CNTN5: variants seen among roughly 807,000 people sequenced by gnomAD.
The protein encoded by CNTN5 is contactin 5, also known as contactin-5.
A neutral mutation model predicts 129.1 loss-of-function variants in CNTN5; 77 were observed. The ratio of observed to expected loss-of-function variants is 0.60; its 90% CI spans 0.50 to 0.72. The LOEUF (loss-of-function observed/expected upper bound fraction) is 0.72. CNTN5 is among the 30% of genes least tolerant of loss of function. CNTN5 has a pLI of 0.00. For missense variants in CNTN5, 1,478 were observed against 1,328.8 expected, an observed-to-expected ratio of 1.11 and a Z score of -1.75; for synonymous variants, 509 against 465.6, an observed-to-expected ratio of 1.09 and a Z score of -1.20.
At chr11:99,807,879 A>T (rs1017335428) in intron 3 of CNTN5, among the ~76,000 whole-genome samples, 1 of 152,108 alleles carries the variant, frequency 6.6e-6, no homozygotes, top group African/African-American at 2.4e-5. Context: ...TGTAGTGCGC[A>T]TATATTTGTT....
intron 16 of CNTN5, among the ~76,000 whole-genome samples, chr11:100,240,508 TGCCTAAG>T (rs1591427842): frequency 1.3e-5 from 2 of 152,210 alleles, no homozygotes; most frequent in East Asian, 3.8e-4. Flanking sequence ...TATCAGTCAT[TGCCTAAG>T]TTAAGCACTT....
At chr11:99,135,908 A>G (rs1859195541) in intron 1 of CNTN5, among the ~76,000 whole-genome samples, 2 of 152,156 alleles carry the variant, frequency 1.3e-5, no homozygotes, top group Non-Finnish European at 2.9e-5. Flanking sequence ...GTTTAGCACC[A>G]TTATACTCCC....
chr11:99,381,356 T>C (rs1003344440), intron 2 of CNTN5, among the ~76,000 whole-genome samples: 2 of 152,158 alleles, frequency 1.3e-5, no homozygotes, highest in Non-Finnish European at 2.9e-5. Flanking sequence ...TCAATGGAGA[T>C]GATTTATTCA....
chr11:99,835,624 A>G (rs1244576018), intron 4 of CNTN5, among the ~76,000 whole-genome samples: 1 of 152,172 alleles, frequency 6.6e-6, no homozygotes, highest in Non-Finnish European at 1.5e-5. Context: ...TGGGCCTTCT[A>G]GAAGGGTTAA....
At chr11:99,777,670 T>G (rs1945171604) in intron 3 of CNTN5, among the ~76,000 whole-genome samples, 1 of 151,878 alleles carries the variant, frequency 6.6e-6, no homozygotes, top group African/African-American at 2.4e-5. Flanking sequence ...ATTTCTAAAT[T>G]GAAAGCTTCA....
intron 2 of CNTN5, among the ~76,000 whole-genome samples, chr11:99,335,776 G>A (rs2136039557): frequency 6.6e-6 from 1 of 152,234 alleles, no homozygotes; most frequent in African/African-American, 2.4e-5. Context: ...AAGCTGCCCT[G>A]TACTTGGTTG....
chr11:99,794,763 G>T (rs147310010), intron 3 of CNTN5, among the ~76,000 whole-genome samples: 2 of 152,222 alleles, frequency 1.3e-5, no homozygotes, highest in East Asian at 3.9e-4. Context: ...TATGTTTTCT[G>T]GCTTGTATGG....
At chr11:99,277,123 A>T (rs146941062) in intron 1 of CNTN5, among the ~76,000 whole-genome samples, 1 of 151,696 alleles carries the variant, frequency 6.6e-6, no homozygotes, top group Admixed American at 6.6e-5. Context: ...ATAGAAGAAT[A>T]TGCTTTGTGT....
chr11:99,612,340 C>T (rs1346930315), intron 3 of CNTN5, among the ~76,000 whole-genome samples: 1 of 152,252 alleles, frequency 6.6e-6, no homozygotes, highest in Admixed American at 6.5e-5. Context: ...AAGGCTGTCT[C>T]ACTTATCACC....
chr11:99,323,564 T>A (rs986332320), intron 1 of CNTN5, among the ~76,000 whole-genome samples: 1 of 152,178 alleles, frequency 6.6e-6, no homozygotes, highest in Non-Finnish European at 1.5e-5. Context: ...TCTCATTTAA[T>A]GTTCTCAGTA....
chr11:99,902,145 A>G (rs1181277396), intron 6 of CNTN5, among the ~76,000 whole-genome samples: 1 of 152,160 alleles, frequency 6.6e-6, no homozygotes, highest in Non-Finnish European at 1.5e-5. Flanking sequence ...TGACTTTCTA[A>G]TAGTAGAAGA....
chr11:100,351,905 T>C (rs141457199), intron 24 of CNTN5, among the ~76,000 whole-genome samples: 2 of 151,496 alleles, frequency 1.3e-5, no homozygotes, highest in African/African-American at 4.8e-5. Flanking sequence ...GCATTGCTTG[T>C]GATTTTTTTT....
chr11:99,672,666 C>A (rs1953098046), intron 3 of CNTN5, among the ~76,000 whole-genome samples: 2 of 150,414 alleles, frequency 1.3e-5, no homozygotes, highest in African/African-American at 4.9e-5. Context: ...TGTCAACTCT[C>A]TCCAATTTTC....
chr11:99,425,364 C>T (rs748203732), intron 2 of CNTN5, among the ~76,000 whole-genome samples: 25 of 152,222 alleles, frequency 1.6e-4, no homozygotes, highest in Admixed American at 5.9e-4. Context: ...CTTCCAGGAA[C>T]CTGTCTGTCT....
At chr11:100,274,037 G>A (rs1950456928) in intron 18 of CNTN5, among the ~76,000 whole-genome samples, 1 of 152,122 alleles carries the variant, frequency 6.6e-6, no homozygotes, top group Non-Finnish European at 1.5e-5. Context: ...CAGATGAGCG[G>A]AACAGAATAG....
At chr11:99,817,620 T>TTTC (rs55913209) in intron 3 of CNTN5, among the ~76,000 whole-genome samples, 2 of 124,750 alleles carry the variant, frequency 1.6e-5, no homozygotes, top group Non-Finnish European at 3.4e-5. Flanking sequence ...TTTTTTTTTT[T>TTTC]CCTTTATAAA....
chr11:100,347,663 C>A lies in CNTN5; in HGVS notation c.3031-3039C>A, dbSNP rs1459241118. Reference sequence around the variant, plus strand: ...GTTAAAATTGTGTTCAGACACCCTGCAGGCAGTGAATTCTCACTGATACTG... The same window carrying A: ...GTTAAAATTGTGTTCAGACACCCTGAAGGCAGTGAATTCTCACTGATACTG... On this transcript the variant is annotated intron_variant, in intron 23 of 24. Transcript: ENST00000524871. 2.0e-5 allele frequency among the ~76,000 whole-genome samples: 3 copies of A among 152,074 alleles called. No individual in the cohort carries two copies. The South Asian group carries it at 6.2e-4, about 31-fold the overall frequency.
At chr11:99,645,792 C>T (rs923560752) in intron 3 of CNTN5, among the ~76,000 whole-genome samples, 1 of 151,482 alleles carries the variant, frequency 6.6e-6, no homozygotes, top group Non-Finnish European at 1.5e-5. Flanking sequence ...ACACTTGGGC[C>T]TGTCGGGGTG....
intron 2 of CNTN5, among the ~76,000 whole-genome samples, chr11:99,383,009 A>G (rs1222767895): frequency 1.3e-5 from 2 of 150,958 alleles, no homozygotes; most frequent in Non-Finnish European, 3.0e-5. Flanking sequence ...GCCGTCCACC[A>G]CGACGGCCAG....
Sources: allele counts gnomAD v4.1 joint callset (sites outside exome capture counted in the v4.1 genomes callset), GRCh38; gene constraint gnomAD v4.1.1; transcripts MANE v1.5; gene names NCBI Gene and HGNC (gene_info 2026-07-23, HGNC 2026-07-21).